The following CLNK variants were observed in gnomAD, a reference collection of about 807,000 sequenced individuals.
CLNK encodes the protein cytokine-dependent hematopoietic cell linker.
CLNK carries 74 observed loss-of-function variants against 68.6 expected under a neutral mutation model. That is an observed-to-expected ratio of 1.08 (90% CI 0.89 to 1.31). The LOEUF (loss-of-function observed/expected upper bound fraction) is 1.31. Ranked by LOEUF, CLNK falls within the 50% of genes most tolerant of loss-of-function variation. The pLI, the probability that CLNK is intolerant of heterozygous loss-of-function variation, is 0.00. For missense variants in CLNK, 553 were observed against 515.3 expected, an observed-to-expected ratio of 1.07 and a Z score of -0.71; for synonymous variants, 198 against 172.2, an observed-to-expected ratio of 1.15 and a Z score of -1.17.
At chr4:10,563,644 C>G (rs1477311274) in intron 7 of CLNK, among the ~76,000 whole-genome samples, 1 of 152,168 alleles carries the variant, frequency 6.6e-6, no homozygotes, top group Non-Finnish European at 1.5e-5. Flanking sequence ...CGCGGTGGCT[C>G]ACGACCATAA....
chr4:10,582,781 TA>T (rs1720829578), intron 4 of CLNK, among the ~76,000 whole-genome samples: 1 of 152,080 alleles, frequency 6.6e-6, no homozygotes, highest in Non-Finnish European at 1.5e-5. Context: ...AAGAAGGAAA[TA>T]AAAATTACTA....
chr4:10,597,139 A>G (rs1226378504), intron 3 of CLNK, among the ~76,000 whole-genome samples: 2 of 152,236 alleles, frequency 1.3e-5, no homozygotes, highest in Non-Finnish European at 2.9e-5. Context: ...GACCGCTTAT[A>G]GTGTCTGGCA....
intron 12 of CLNK, among the ~76,000 whole-genome samples, chr4:10,529,496 C>A (rs528361880): frequency 3.3e-5 from 5 of 152,186 alleles, no homozygotes; most frequent in Non-Finnish European, 7.3e-5. Flanking sequence ...TGTATGCCTC[C>A]CTCTGAAGCT....
At chr4:10,563,658 C>T (rs960916720) in intron 7 of CLNK, among the ~76,000 whole-genome samples, 1 of 152,190 alleles carries the variant, frequency 6.6e-6, no homozygotes, top group Non-Finnish European at 1.5e-5. Flanking sequence ...ACCATAATCC[C>T]AGCACTTTGG....
At chr4:10,696,048 G>A in the CLNK span, among the ~76,000 whole-genome samples, 1 of 152,046 alleles carries the variant, frequency 6.6e-6, no homozygotes, top group South Asian at 2.1e-4. Context: ...TAGAGATGGG[G>A]TTTCACCCTG....
chr4:10,689,124 CCTTT>C (rs1416218746), upstream of CLNK, among the ~76,000 whole-genome samples: 5 of 151,854 alleles, frequency 3.3e-5, no homozygotes, highest in South Asian at 2.1e-4. Flanking sequence ...GGTTTCTTTT[CCTTT>C]CTTTCTTTCT....
intron 2 of CLNK, among the ~76,000 whole-genome samples, chr4:10,601,207 G>T (rs946473933): frequency 6.6e-6 from 1 of 152,146 alleles, no homozygotes; most frequent in Admixed American, 6.5e-5. Context: ...ACATCTCTTC[G>T]CCTGTCTCCT....
chr4:10,628,064 T>TAACC (rs1722745722), intron 2 of CLNK, among the ~76,000 whole-genome samples: 1 of 152,254 alleles, frequency 6.6e-6, no homozygotes, highest in South Asian at 2.1e-4. Flanking sequence ...GCATCCTGTG[T>TAACC]AACCCTCTTG....
At chr4:10,686,000 G>T (rs149904771), upstream of CLNK, among the ~76,000 whole-genome samples, 194 of 152,222 alleles carry the variant, frequency 1.3e-3, no homozygotes, top group African/African-American at 4.5e-3. Context: ...CATAACAAAG[G>T]ACTGAGCCCT....
intron 11 of CLNK, among the ~76,000 whole-genome samples, chr4:10,533,330 A>C (rs2108803640): frequency 6.6e-6 from 1 of 152,350 alleles, no homozygotes; most frequent in East Asian, 1.9e-4. Context: ...ATGTGGTCAA[A>C]GTTTGGTGAA....
chr4:10,720,400 A>G, the CLNK span, among the ~76,000 whole-genome samples: 1 of 152,104 alleles, frequency 6.6e-6, no homozygotes, highest in East Asian at 1.9e-4. Context: ...AAACCCGATG[A>G]AAAAAATTAA....
intron 2 of CLNK, among the ~76,000 whole-genome samples, chr4:10,641,817 T>C (rs939382782): frequency 3.3e-5 from 5 of 151,594 alleles, no homozygotes; most frequent in African/African-American, 1.2e-4. Flanking sequence ...TTGGAGATAA[T>C]TGAATAATGG....
intron 11 of CLNK, among the ~76,000 whole-genome samples, chr4:10,537,768 TCTTCCTTC>T (rs57820496): frequency 6.2e-5 from 9 of 145,738 alleles, no homozygotes; most frequent in African/African-American, 2.0e-4. Flanking sequence ...TTTCTCTCTC[TCTTCCTTC>T]CTTCCTTCCT....
intron 15 of CLNK, among the ~76,000 whole-genome samples, chr4:10,518,708 A>C (rs1478106042): frequency 1.3e-5 from 2 of 152,254 alleles, no homozygotes; most frequent in Non-Finnish European, 2.9e-5. Context: ...TTTATCAGGC[A>C]GTCACTGAAC....
chr4:10,537,674 T>TTTC (rs1560206883), intron 11 of CLNK, among the ~76,000 whole-genome samples: 2 of 46,878 alleles, frequency 4.3e-5, no homozygotes, highest in African/African-American at 1.6e-4. Context: ...TTTCTTTCTT[T>TTTC]CTTTCTTCCT....
intron 2 of CLNK, among the ~76,000 whole-genome samples, chr4:10,644,924 A>T (rs1723452868): frequency 6.6e-6 from 1 of 152,200 alleles, no homozygotes; most frequent in African/African-American, 2.4e-5. Context: ...AAAGAATGAA[A>T]AGGGCGTTTA....
At chr4:10,614,864 T>C (rs1381689070) in intron 2 of CLNK, among the ~76,000 whole-genome samples, 1 of 152,232 alleles carries the variant, frequency 6.6e-6, no homozygotes, top group Non-Finnish European at 1.5e-5. Flanking sequence ...CTATCAGTTC[T>C]GGGTGCACTA....
chr4:10,719,976 C>T, the CLNK span, among the ~76,000 whole-genome samples: 12 of 151,376 alleles, frequency 7.9e-5, no homozygotes, highest in African/African-American at 2.2e-4. Flanking sequence ...AGGATGTCTC[C>T]GTGGAAATTG....
chr4:10,487,219 C>G lies in CLNK; in HGVS notation c.*3248G>C, dbSNP rs1283816156. On this transcript the variant is annotated 3_prime_UTR_variant, in exon 19 of 19. Coordinates refer to ENST00000226951, the MANE Select transcript of CLNK (RefSeq NM_052964.4). Reference sequence around the variant, plus strand: ...TGCCAAATCCAAATCATTGAATATTCAATTACAGATCTAATAAAGCAGGTA... The same window carrying G: ...TGCCAAATCCAAATCATTGAATATTGAATTACAGATCTAATAAAGCAGGTA... The G allele has an allele frequency of 6.6e-6, 1 of 152,090 alleles. No individual in the cohort carries two copies. The highest frequency in any genetic ancestry group is 1.5e-5 in the Non-Finnish European group (1 of 68,030). 9.4% of individuals were successfully genotyped at this position (152,090 alleles called of 1,614,324 possible).
Sources: allele counts gnomAD v4.1 joint callset (sites outside exome capture counted in the v4.1 genomes callset), GRCh38; gene constraint gnomAD v4.1.1; transcripts MANE v1.5; gene names NCBI Gene and HGNC (gene_info 2026-07-23, HGNC 2026-07-21).